Variants in DDX10 observed in about 807,000 individuals in gnomAD.
DDX10 encodes the protein DEAD-box helicase 10, also known as probable ATP-dependent RNA helicase DDX10.
In DDX10, 74 loss-of-function variants were observed where a neutral mutation model predicts 104.3. The ratio of observed to expected loss-of-function variants is 0.71; its 90% CI spans 0.59 to 0.86. The LOEUF is 0.86. Ranked by LOEUF, DDX10 falls within the 40% of genes least tolerant of loss-of-function variation. The pLI, the probability that DDX10 is intolerant of heterozygous loss-of-function variation, is 0.00. For missense variants in DDX10, 952 were observed against 1,040.0 expected (o/e 0.92, Z 1.16); for synonymous variants, 351 against 353.4 (o/e 0.99, Z 0.08).
intron 13 of DDX10, among the ~76,000 whole-genome samples, chr11:108,725,229 G>T (rs1274882230): frequency 6.6e-6 from 1 of 151,960 alleles, no homozygotes; most frequent in African/African-American, 2.4e-5. Flanking sequence ...ATTGGCATTG[G>T]TTGTTTCCAT....
At chr11:108,889,458 T>C (rs1274789193) in intron 16 of DDX10, among the ~76,000 whole-genome samples, 1 of 152,166 alleles carries the variant, frequency 6.6e-6, no homozygotes, top group South Asian at 2.1e-4. Flanking sequence ...CCTTTAAAAC[T>C]AATTGAAAAG....
chr11:108,811,596 C>A (rs1565286213), intron 13 of DDX10, among the ~76,000 whole-genome samples: 1 of 152,046 alleles, frequency 6.6e-6, no homozygotes, highest in Non-Finnish European at 1.5e-5. Flanking sequence ...TGTATAATAT[C>A]TTTTTTTCAA....
At chr11:108,855,702 AC>A (rs1363376804) in intron 16 of DDX10, among the ~76,000 whole-genome samples, 8 of 151,856 alleles carry the variant, frequency 5.3e-5, no homozygotes, top group Non-Finnish European at 1.0e-4. Flanking sequence ...CCCGTGATCC[AC>A]CCTCCTCGGC....
intron 13 of DDX10, among the ~76,000 whole-genome samples, chr11:108,748,764 A>G (rs1341708029): frequency 6.6e-6 from 1 of 152,060 alleles, no homozygotes; most frequent in African/African-American, 2.4e-5. Context: ...CACTGCAGCC[A>G]TGAACTCCTG....
chr11:108,668,280 A>G (rs2134432321), intron 1 of DDX10, among the ~76,000 whole-genome samples: 1 of 152,350 alleles, frequency 6.6e-6, no homozygotes, highest in East Asian at 1.9e-4. Context: ...GTGAAAAAGG[A>G]GTTCTAAGCC....
intron 9 of DDX10, among the ~76,000 whole-genome samples, chr11:108,696,715 T>C (rs2094260382): frequency 6.6e-6 from 1 of 152,188 alleles, no homozygotes; most frequent in Non-Finnish European, 1.5e-5. Context: ...ATTTTTATTT[T>C]TTCTTTTCCT....
intron 16 of DDX10, among the ~76,000 whole-genome samples, chr11:108,893,766 G>A (rs996829670): frequency 2.6e-5 from 4 of 151,986 alleles, no homozygotes; most frequent in Non-Finnish European, 5.9e-5. Flanking sequence ...CAGTCCCACC[G>A]GGGGAGCATT....
At chr11:108,676,190 C>T (rs754126337) in intron 3 of DDX10, among the ~76,000 whole-genome samples, 2 of 152,308 alleles carry the variant, frequency 1.3e-5, no homozygotes, top group South Asian at 2.1e-4. Context: ...ACATTGCTAT[C>T]GGTCTTTTAT....
At position 108,910,691 on chromosome 11, in the gene DDX10, C is replaced by CCT. The variant is rs1275277496; in HGVS notation, c.2305-7181_2305-7180dup. Among the ~76,000 whole-genome samples, 9 of 151,142 alleles carry CCT rather than the reference C, an allele frequency of 6.0e-5. No homozygotes were observed. In the South Asian group the frequency reaches 1.9e-3, roughly 32 times the overall value. ...CTCTTCATGTGGGTAAAATACTCCC[C>CCT]CTTTCTGCCCAGGGCTTTAAGAGAG... On this transcript the variant is annotated intron_variant, in intron 16 of 17. Coordinates refer to ENST00000322536, the MANE Select transcript of DDX10 (RefSeq NM_004398.4).
intron 13 of DDX10, among the ~76,000 whole-genome samples, chr11:108,770,782 C>A (rs927790225): frequency 6.6e-6 from 1 of 151,680 alleles, no homozygotes; most frequent in African/African-American, 2.4e-5. Context: ...TTGATGGACA[C>A]TTAGGTTGCT....
At chr11:108,887,368 AC>A (rs111704507) in intron 16 of DDX10, among the ~76,000 whole-genome samples, 61 of 151,610 alleles carry the variant, frequency 4.0e-4, no homozygotes, top group Non-Finnish European at 4.7e-4. Context: ...CCTTAGAAAT[AC>A]TTTTTTCTTT....
Position 108,676,372 on chromosome 11 carries a change from A to G in DDX10, c.378+646A>G, listed in dbSNP as rs191638679. On this transcript the variant is annotated intron_variant, in intron 3 of 17. Coordinates refer to ENST00000322536, the MANE Select transcript of DDX10 (RefSeq NM_004398.4). ...CTAGTGTGTTTTTGCCCCCTTAAAA[A>G]AAAAGGCTCCCTATAGCTAGATAAT... Among the ~76,000 whole-genome samples the G allele has an allele frequency of 1.1e-3, 172 of 152,322 alleles. 2 individuals carry two copies. Among genetic ancestry groups the G allele is most frequent in the African/African-American group, 4.0e-3 (167 of 41,576 alleles).
chr11:108,911,749 A>T (rs1369497284), intron 16 of DDX10, among the ~76,000 whole-genome samples: 1 of 151,702 alleles, frequency 6.6e-6, no homozygotes, highest in East Asian at 1.9e-4. Flanking sequence ...TTTTGTAGAG[A>T]TGAGGTTTCA....
chr11:108,714,526 CTCTTT>C (rs1565255847), intron 10 of DDX10, among the ~76,000 whole-genome samples: 1 of 85,638 alleles, frequency 1.2e-5, no homozygotes, highest in Non-Finnish European at 2.2e-5. Flanking sequence ...AGAAGTCTGA[CTCTTT>C]TTTTTTTTTT....
At chr11:108,937,013 T>G (rs1377564202) in intron 17 of DDX10, among the ~76,000 whole-genome samples, 1 of 152,202 alleles carries the variant, frequency 6.6e-6, no homozygotes, top group Non-Finnish European at 1.5e-5. Context: ...AAATGACTGA[T>G]AGATAATTGG....
At chr11:108,778,615 G>C (rs1420384464) in intron 13 of DDX10, among the ~76,000 whole-genome samples, 1 of 152,080 alleles carries the variant, frequency 6.6e-6, no homozygotes, top group African/African-American at 2.4e-5. Flanking sequence ...AGGCAATACT[G>C]TTCAGGCCAT....
chr11:108,677,968 TG>T (rs2094228296), intron 4 of DDX10, among the ~76,000 whole-genome samples: 1 of 152,064 alleles, frequency 6.6e-6, no homozygotes. Context: ...TCAATGTCCC[TG>T]GGTCCTGAAT....
intron 17 of DDX10, among the ~76,000 whole-genome samples, chr11:108,925,990 G>A (rs74701997): frequency 0.025 from 3,804 of 152,224 alleles, 145 homozygotes; most frequent in African/African-American, 0.085. Context: ...TGCTTGGGTA[G>A]GTGGTGATCT....
chr11:108,830,199 G>A (rs181202384), intron 13 of DDX10, among the ~76,000 whole-genome samples: 2 of 152,182 alleles, frequency 1.3e-5, no homozygotes, highest in South Asian at 2.1e-4. Context: ...ATGGGCATGG[G>A]ATATGTTTCC....
Sources: gnomAD v4.1 joint callset for allele counts (sites outside exome capture counted in the v4.1 genomes callset) on GRCh38, gnomAD v4.1.1 for gene constraint, MANE v1.5 for transcripts, NCBI Gene and HGNC (gene_info 2026-07-23, HGNC 2026-07-21) for gene names.